Variants in ENPP2 observed in about 807,000 individuals in gnomAD.
ENPP2 encodes the protein ectonucleotide pyrophosphatase/phosphodiesterase 2.
A neutral mutation model predicts 120.2 loss-of-function variants in ENPP2; 51 were observed. The observed-to-expected ratio is 0.42, with a 90% CI of 0.34 to 0.54. The LOEUF (loss-of-function observed/expected upper bound fraction) is 0.54. ENPP2 is among the 20% of genes least tolerant of loss of function. The pLI is 0.04. For synonymous variants in ENPP2, 365 were observed against 366.4 expected, an observed-to-expected ratio of 1.00 and a Z score of 0.04; for missense variants, 920 against 1,066.5, an observed-to-expected ratio of 0.86 and a Z score of 1.91.
chr8:119,562,655 C>T (rs1814058929), intron 24 of ENPP2, among the ~76,000 whole-genome samples: 1 of 152,084 alleles, frequency 6.6e-6, no homozygotes, highest in Admixed American at 6.5e-5. Flanking sequence ...ATGTTAAATG[C>T]ACACATATAT....
chr8:119,584,486 T>A (rs1812970903), intron 15 of ENPP2, among the ~76,000 whole-genome samples: 1 of 152,198 alleles, frequency 6.6e-6, no homozygotes. Flanking sequence ...ACCTATTATA[T>A]ACCCATAATA....
chr8:119,660,953 T>C (rs1342984885), intron 1 of ENPP2, among the ~76,000 whole-genome samples: 9 of 152,174 alleles, frequency 5.9e-5, no homozygotes, highest in Admixed American at 3.3e-4. Flanking sequence ...CAGAAAATAT[T>C]TGTAAGCCAT....
rs146483399 is a variant in ENPP2, at chr8:119,666,479, G to T, written c.21+6773C>A. Reference sequence around the variant, plus strand: ...AATGCAACCTATCACATTATAAAAAGACAATTTAAAAAGAAAAAAGGCTGG... The same window carrying T: ...AATGCAACCTATCACATTATAAAAATACAATTTAAAAAGAAAAAAGGCTGG... On this transcript the variant is annotated intron_variant, in intron 1 of 25. Coordinates refer to the ENPP2 transcript ENST00000427067. 2.5e-3 allele frequency among the ~76,000 whole-genome samples: 387 copies of T among 152,050 alleles called. 4 individuals are homozygous for T. The highest frequency in any genetic ancestry group is 9.0e-3 in the African/African-American group (374 of 41,464).
chr8:119,658,375 A>G (rs557150053), intron 1 of ENPP2, among the ~76,000 whole-genome samples: 26 of 152,266 alleles, frequency 1.7e-4, no homozygotes, highest in Non-Finnish European at 3.1e-4. Context: ...GGCTCAAGGG[A>G]TCCTCCTGCC....
chr8:119,573,407 T>TAAAAAAAAAAAAAAAAAAAAAAAAA lies in ENPP2; in HGVS notation c.1781-2567_1781-2566insTTTTTTTTTTTTTTTTTTTTTTTTT, dbSNP rs1563680979. ...AGGTGACAGAGCGAGGCTCCGTCTCTTAAAAAAAAAAAAAAAAAAGATTCA... is the reference window on the plus strand; with the variant it reads ...AGGTGACAGAGCGAGGCTCCGTCTCTAAAAAAAAAAAAAAAAAAAAAAAAATAAAAAAAAAAAAAAAAAAGATTCA... On this transcript the variant is annotated intron_variant, in intron 19 of 24. Transcript: ENST00000075322. Among the ~76,000 whole-genome samples, 309 of 71,468 alleles carry TAAAAAAAAAAAAAAAAAAAAAAAAA rather than the reference T, an allele frequency of 4.3e-3. 19 individuals are homozygous for TAAAAAAAAAAAAAAAAAAAAAAAAA. Among genetic ancestry groups the TAAAAAAAAAAAAAAAAAAAAAAAAA allele is most frequent in the African/African-American group, 0.02 (287 of 14,010 alleles). The allele number at this position is 71,468 out of a possible 152,430, so 46.9% of individuals were successfully genotyped here.
In ENPP2 at chr8:119,617,251, G is replaced by C. The variant is rs771759316; in HGVS notation, c.578-8C>G. 20 of 1,607,076 alleles carry C rather than the reference G, an allele frequency of 1.2e-5. No individual in the cohort carries two copies. The highest frequency in any genetic ancestry group is 1.7e-4 in the Middle Eastern group (1 of 6,048). ...AGTGTGTGCCACAAGACCCTGGAAAGAGAATTGCAAATATTAGAACAAGAG... is the reference window on the plus strand; with the variant it reads ...AGTGTGTGCCACAAGACCCTGGAAACAGAATTGCAAATATTAGAACAAGAG... On this transcript the variant is annotated splice_region_variant and splice_polypyrimidine_tract_variant and intron_variant, in intron 6 of 24. Transcript: ENST00000075322.
chr8:119,614,501 C>T (rs895236483), intron 8 of ENPP2, among the ~76,000 whole-genome samples: 40 of 152,148 alleles, frequency 2.6e-4, no homozygotes, highest in African/African-American at 8.7e-4. Context: ...AGTGAGGAAA[C>T]AGGTAAACAG....
rs116339401 is a variant in ENPP2 at position 119,619,094 on chromosome 8, C to T, written c.479+150G>A. ...ATTTCAAGACCTACCTTCAACCTTT[C>T]GACTCATGAATTACTCCTAAGTACT... On this transcript the variant is annotated intron_variant, in intron 5 of 24. Transcript: ENST00000075322. The T allele has an allele frequency of 1.7e-3, 1,042 of 618,528 alleles. 10 individuals are homozygous for T. In the African/African-American group the frequency reaches 0.018, roughly 10 times the overall value. 38.3% of individuals were successfully genotyped at this position (618,528 alleles called of 1,614,324 possible). A position where few individuals can be genotyped will look rare whatever the true frequency, so the allele number is the denominator to read the frequency against.
At chr8:119,670,233 G>A (rs1818201078) in intron 1 of ENPP2, among the ~76,000 whole-genome samples, 1 of 152,176 alleles carries the variant, frequency 6.6e-6, no homozygotes, top group South Asian at 2.1e-4. Flanking sequence ...TAGAGAGGGA[G>A]CTGATAGACC....
At chr8:119,655,764 G>C (rs1189420220) in intron 1 of ENPP2, among the ~76,000 whole-genome samples, 1 of 152,098 alleles carries the variant, frequency 6.6e-6, no homozygotes, top group African/African-American at 2.4e-5. Context: ...TAAGTAACTG[G>C]CCCAAATTTA....
intron 1 of ENPP2, among the ~76,000 whole-genome samples, chr8:119,671,945 T>G (rs1364731374): frequency 6.6e-6 from 1 of 151,064 alleles, no homozygotes; most frequent in Non-Finnish European, 1.5e-5. Flanking sequence ...CAGGACAGAG[T>G]CAAAAAGAGA....
At chr8:119,589,268 G>A (rs918562447) in intron 13 of ENPP2, among the ~76,000 whole-genome samples, 11 of 152,164 alleles carry the variant, frequency 7.2e-5, no homozygotes, top group Admixed American at 4.6e-4. Flanking sequence ...GGTGAGTACC[G>A]AGCAGAGCTG....
At chr8:119,580,035 C>T (rs1021336263) in intron 19 of ENPP2, 81 bp downstream of exon 19, 1 of 907,314 alleles carries the variant, frequency 1.1e-6, no homozygotes, top group South Asian at 1.4e-5. Context: ...ATTGTGCTTA[C>T]ACTATAATGT....
At chr8:119,649,401 C>CAAAAA (rs755896948) in intron 1 of ENPP2, among the ~76,000 whole-genome samples, 4 of 76,210 alleles carry the variant, frequency 5.2e-5, no homozygotes, top group South Asian at 4.0e-4. Flanking sequence ...GACTCCATCT[C>CAAAAA]AAAAAAAAAA....
intron 1 of ENPP2, among the ~76,000 whole-genome samples, chr8:119,657,856 A>G (rs1156943101): frequency 5.3e-5 from 8 of 152,116 alleles, no homozygotes; most frequent in Admixed American, 5.2e-4. Flanking sequence ...TCTTGCCCCA[A>G]CCTCAGGCTA....
Position 119,590,592 on chromosome 8 carries a change from T to C in ENPP2, c.1120A>G (p.Ser374Gly), listed in dbSNP as rs1484228542. The change falls in exon 13 of 25, where the codon AGT (serine) becomes GGT (glycine). Residue 374 changes from serine to glycine, a missense_variant. Physicochemically the swap from Ser to Gly is moderately conservative, Grantham distance 56 (BLOSUM62 0). Transcript: ENST00000075322. The stretch of plus-strand genomic sequence containing the variant: ...TCATCCACATTAGTTAGGTAATTAC[T>C]CAAGAACTCAGTTCTATCACATGTG... ...DVTCDRTEFL[S>G]NYLTNVDDIT... 1.3e-6 allele frequency: 2 copies of C among 1,591,798 alleles called. No homozygotes were observed. The highest frequency in any genetic ancestry group is 1.7e-5 in the Admixed American group (1 of 57,192).
At chr8:119,595,147 C>A (rs1182525335) in intron 11 of ENPP2, among the ~76,000 whole-genome samples, 1 of 152,184 alleles carries the variant, frequency 6.6e-6, no homozygotes, top group Non-Finnish European at 1.5e-5. Context: ...GTGTTTTGAT[C>A]TTTGGCAATG....
intron 1 of ENPP2, among the ~76,000 whole-genome samples, chr8:119,658,364 G>A (rs1193330299): frequency 6.6e-6 from 1 of 152,160 alleles, no homozygotes; most frequent in Non-Finnish European, 1.5e-5. Flanking sequence ...TCAAACTCCT[G>A]GGCTCAAGGG....
chr8:119,570,644 A>G, intron 20 of ENPP2, 61 bp downstream of exon 20: 1 of 877,990 alleles, frequency 1.1e-6, no homozygotes, highest in Non-Finnish European at 1.7e-6. Context: ...GCAAGGAATC[A>G]TTGTATTAAC....
Sources: gnomAD v4.1 joint callset for allele counts (sites outside exome capture counted in the v4.1 genomes callset) on GRCh38, gnomAD v4.1.1 for gene constraint, MANE v1.5 for transcripts, NCBI Gene and HGNC (gene_info 2026-07-23, HGNC 2026-07-21) for gene names.